Variants in C12orf56 observed in about 807,000 individuals in gnomAD.
The protein encoded by C12orf56 is chromosome 12 open reading frame 56, also known as uncharacterized protein C12orf56.
A neutral mutation model predicts 69.9 loss-of-function variants in C12orf56; 71 were observed. That is an observed-to-expected ratio of 1.02 (90% CI 0.84 to 1.24). The LOEUF is 1.24. C12orf56 is among the 50% of genes most tolerant of loss of function. C12orf56 has a pLI of 0.00. For missense variants in C12orf56, 732 were observed against 738.5 expected (o/e 0.99, Z 0.10); for synonymous variants, 276 against 274.1 (o/e 1.01, Z -0.07).
chr12:64,283,156 A>G lies in C12orf56; in HGVS notation c.1310+1508T>C, dbSNP rs2038154203. On this transcript the variant is annotated intron_variant, in intron 8 of 12. Transcript: ENST00000543942. The stretch of plus-strand genomic sequence containing the variant: ...AAGCGCTGTCTCAAAAAAAAAAGAA[A>G]AAAGAAAGAAAGAAAAATAAATATT... 2.6e-5 allele frequency among the ~76,000 whole-genome samples: 4 copies of G among 151,764 alleles called. No homozygotes were observed. The South Asian group carries it at 8.3e-4, about 31-fold the overall frequency.
chr12:64,361,374 C>T (rs1199805880), intron 1 of C12orf56, among the ~76,000 whole-genome samples: 1 of 152,056 alleles, frequency 6.6e-6, no homozygotes, highest in East Asian at 1.9e-4. Flanking sequence ...GGCCACATTC[C>T]CAGGAGGTTA....
At chr12:64,268,971 A>C (rs1249967742) in intron 12 of C12orf56, among the ~76,000 whole-genome samples, 2 of 152,196 alleles carry the variant, frequency 1.3e-5, no homozygotes, top group African/African-American at 4.8e-5. Context: ...CTCCATCTCT[A>C]CTAAAAATAC....
Position 64,297,550 on chromosome 12 carries a change from C to A in C12orf56, c.1113+6085G>T, listed in dbSNP as rs1269715210. ...CCTCCCCTATTCCCCCGTCCGCCGA[C>A]AGGCCCCAATGTGTGATGTTCCCCT... On this transcript the variant is annotated intron_variant, in intron 6 of 12. Transcript: ENST00000543942. 3.9e-5 allele frequency among the ~76,000 whole-genome samples: 6 copies of A among 152,156 alleles called. No homozygotes were observed. In the East Asian group the frequency reaches 1.2e-3, roughly 29 times the overall value.
chr12:64,346,530 C>A (rs2039144973), intron 2 of C12orf56, among the ~76,000 whole-genome samples: 1 of 152,116 alleles, frequency 6.6e-6, no homozygotes, highest in South Asian at 2.1e-4. Flanking sequence ...AGTGCCCAAC[C>A]CATTTAAAAA....
intron 1 of C12orf56, among the ~76,000 whole-genome samples, chr12:64,388,782 T>A (rs1042305339): frequency 3.9e-5 from 6 of 152,256 alleles, no homozygotes; most frequent in Non-Finnish European, 1.5e-5. Context: ...GCTTGAGCCC[T>A]GGAGGCTGAG....
At chr12:64,310,968 GTTT>G (rs2038603380) in intron 5 of C12orf56, among the ~76,000 whole-genome samples, 2 of 151,510 alleles carry the variant, frequency 1.3e-5, no homozygotes, top group Non-Finnish European at 2.9e-5. Context: ...AACATGTAGT[GTTT>G]GGTTTCTCGT....
intron 2 of C12orf56, among the ~76,000 whole-genome samples, chr12:64,347,025 G>C (rs1044790404): frequency 2.0e-5 from 3 of 150,846 alleles, no homozygotes; most frequent in Non-Finnish European, 4.4e-5. Context: ...GCCCAGGCTG[G>C]AGTGCAGTGG....
At chr12:64,321,823 A>G (rs2038777575) in intron 3 of C12orf56, among the ~76,000 whole-genome samples, 1 of 151,126 alleles carries the variant, frequency 6.6e-6, no homozygotes, top group African/African-American at 2.4e-5. Flanking sequence ...TTCCTTTATT[A>G]TTTTCAGCAG....
chr12:64,272,322 T>C (rs1297377129), intron 11 of C12orf56, among the ~76,000 whole-genome samples: 1 of 152,038 alleles, frequency 6.6e-6, no homozygotes, highest in African/African-American at 2.4e-5. Flanking sequence ...GTGGCTAACA[T>C]GGTGAAACCC....
chr12:64,351,400 G>C (rs962909497), intron 2 of C12orf56, among the ~76,000 whole-genome samples: 38 of 152,118 alleles, frequency 2.5e-4, no homozygotes, highest in African/African-American at 6.3e-4. Flanking sequence ...AAGAAAGCAG[G>C]GTCTGAAGGA....
chr12:64,277,542 T>A, intron 9 of C12orf56, 138 bp downstream of exon 9: 3 of 510,620 alleles, frequency 5.9e-6, no homozygotes, highest in Non-Finnish European at 8.5e-6. Context: ...ATCTAAGTTT[T>A]GAGGTTAATG....
rs533006837 is a variant in C12orf56, at chr12:64,369,855, C to T, written c.253-16799G>A. On this transcript the variant is annotated intron_variant, in intron 1 of 12. Transcript: ENST00000543942. ...AAAATTAGCTGGGCATGGTGATGCA[C>T]GCCTATAATCCCAGCTACTCGGGAG... is the stretch of plus-strand genomic sequence containing the variant. Among the ~76,000 whole-genome samples, 8 of 151,504 alleles carry T rather than the reference C, an allele frequency of 5.3e-5. No individual in the cohort carries two copies. The South Asian group carries it at 8.4e-4, about 16-fold the overall frequency.
chr12:64,376,957 T>G (rs2039649897), intron 1 of C12orf56, among the ~76,000 whole-genome samples: 1 of 152,010 alleles, frequency 6.6e-6, no homozygotes, highest in African/African-American at 2.4e-5. Flanking sequence ...CCACAATGAT[T>G]CAATTAATTT....
At chr12:64,338,188 C>G in intron 2 of C12orf56, 1 of 582,936 alleles carries the variant, frequency 1.7e-6, no homozygotes, top group Non-Finnish European at 3.3e-6. Context: ...CAAAAACTTC[C>G]TGTTGGCATT....
At chr12:64,336,147 A>G (rs2038993470) in intron 2 of C12orf56, among the ~76,000 whole-genome samples, 1 of 152,220 alleles carries the variant, frequency 6.6e-6, no homozygotes, top group Non-Finnish European at 1.5e-5. Flanking sequence ...AGCTGGAAGA[A>G]CAGAAAACAT....
At chr12:64,278,921 A>G (rs2038089766) in intron 8 of C12orf56, among the ~76,000 whole-genome samples, 1 of 152,142 alleles carries the variant, frequency 6.6e-6, no homozygotes, top group Non-Finnish European at 1.5e-5. Flanking sequence ...CTCCAGTTTC[A>G]TCCATGTTGT....
chr12:64,302,501 G>A (rs928693666), intron 6 of C12orf56, among the ~76,000 whole-genome samples: 1 of 152,164 alleles, frequency 6.6e-6, no homozygotes, highest in African/African-American at 2.4e-5. Flanking sequence ...GTATGGTTGG[G>A]AGTTCACATG....
At chr12:64,276,397 A>G (rs1452009596) in intron 9 of C12orf56, among the ~76,000 whole-genome samples, 1 of 152,172 alleles carries the variant, frequency 6.6e-6, no homozygotes, top group South Asian at 2.1e-4. Context: ...TTTGGTGGTC[A>G]AGGAATGCTT....
chr12:64,379,968 GCGGA>G (rs1339247211), intron 1 of C12orf56, among the ~76,000 whole-genome samples: 1 of 150,032 alleles, frequency 6.7e-6, no homozygotes, highest in Admixed American at 6.6e-5. Context: ...GGGCGTGATG[GCGGA>G]CGGACGCCTG....
Sources: allele counts gnomAD v4.1 joint callset (sites outside exome capture counted in the v4.1 genomes callset), GRCh38; gene constraint gnomAD v4.1.1; transcripts MANE v1.5; gene names NCBI Gene and HGNC (gene_info 2026-07-23, HGNC 2026-07-21).